CTNNA3: variants seen among roughly 807,000 people sequenced by gnomAD.
CTNNA3 encodes the protein catenin alpha 3.
In CTNNA3, 76 loss-of-function variants were observed where a neutral mutation model predicts 95.7. That is an observed-to-expected ratio of 0.79 (90% CI 0.66 to 0.96). CTNNA3 has a LOEUF of 0.96. CTNNA3 is among the 40% of genes least tolerant of loss of function. The pLI is 0.00. For missense variants in CTNNA3, 1,191 were observed against 1,089.8 expected, an observed-to-expected ratio of 1.09 and a Z score of -1.31; for synonymous variants, 431 against 374.4, an observed-to-expected ratio of 1.15 and a Z score of -1.74.
At chr10:66,519,396 A>G (rs1840977330) in intron 11 of CTNNA3, among the ~76,000 whole-genome samples, 1 of 152,206 alleles carries the variant, frequency 6.6e-6, no homozygotes, top group Non-Finnish European at 1.5e-5. Flanking sequence ...TCAAATACAT[A>G]TAATGGTTGT....
intron 10 of CTNNA3, among the ~76,000 whole-genome samples, chr10:66,533,058 A>T (rs1841526982): frequency 6.6e-6 from 1 of 152,160 alleles, no homozygotes. Flanking sequence ...CTACAAAGTG[A>T]TATTTCCAAA....
At chr10:66,522,918 C>A (rs1841118580) in intron 10 of CTNNA3, among the ~76,000 whole-genome samples, 1 of 151,992 alleles carries the variant, frequency 6.6e-6, no homozygotes, top group South Asian at 2.1e-4. Context: ...TACTGAATAT[C>A]CTAAAGACTG....
chr10:67,070,606 G>A (rs1396152449), intron 7 of CTNNA3, among the ~76,000 whole-genome samples: 1 of 151,976 alleles, frequency 6.6e-6, no homozygotes, highest in Middle Eastern at 3.2e-3. Flanking sequence ...AATTAGCTGG[G>A]CATGGTGGCG....
chr10:66,332,822 C>G (rs1194464583), intron 12 of CTNNA3, among the ~76,000 whole-genome samples: 3 of 151,950 alleles, frequency 2.0e-5, no homozygotes, highest in African/African-American at 4.8e-5. Flanking sequence ...CTCCTTGTAC[C>G]TCTGGTAGAA....
chr10:66,209,890 T>C (rs777132942), intron 13 of CTNNA3, among the ~76,000 whole-genome samples: 43 of 152,112 alleles, frequency 2.8e-4, no homozygotes, highest in Middle Eastern at 6.8e-3. Flanking sequence ...TTTAAGTCTA[T>C]CCTACAAGCA....
At chr10:66,218,831 C>A (rs2088723701) in intron 13 of CTNNA3, among the ~76,000 whole-genome samples, 1 of 152,256 alleles carries the variant, frequency 6.6e-6, no homozygotes, top group African/African-American at 2.4e-5. Context: ...CTTAAAGAGC[C>A]TTTTACACAC....
chr10:65,948,003 C>T (rs886881907), intron 17 of CTNNA3, among the ~76,000 whole-genome samples: 6 of 152,172 alleles, frequency 3.9e-5, no homozygotes, highest in Non-Finnish European at 5.9e-5. Context: ...CGCGGCCAGG[C>T]GCGGTGGCTT....
At chr10:66,632,860 G>A (rs1845194626) in intron 9 of CTNNA3, among the ~76,000 whole-genome samples, 1 of 151,650 alleles carries the variant, frequency 6.6e-6, no homozygotes, top group South Asian at 2.1e-4. Flanking sequence ...GTATCAATAA[G>A]GAAAAAAGGC....
intron 7 of CTNNA3, among the ~76,000 whole-genome samples, chr10:66,814,851 CTTTT>C (rs71035183): frequency 2.6e-5 from 3 of 114,970 alleles, no homozygotes; most frequent in Admixed American, 9.5e-5. Context: ...AGTTAGCATT[CTTTT>C]TTTTTTTTTT....
chr10:66,838,004 AAG>A (rs1842936571), intron 7 of CTNNA3, among the ~76,000 whole-genome samples: 1 of 152,064 alleles, frequency 6.6e-6, no homozygotes, highest in African/African-American at 2.4e-5. Flanking sequence ...TCTAAATCTG[AAG>A]AGTCTTCATT....
intron 3 of CTNNA3, among the ~76,000 whole-genome samples, chr10:67,553,619 G>T (rs1841112322): frequency 6.6e-6 from 1 of 151,990 alleles, no homozygotes; most frequent in Admixed American, 6.6e-5. Context: ...TATTCTCTGG[G>T]AATTAAACTG....
At chr10:66,609,301 A>G (rs2605502) in intron 10 of CTNNA3, among the ~76,000 whole-genome samples, 97,314 of 147,938 alleles carry the variant, frequency 0.66, 32,941 homozygotes, top group East Asian at 0.91. Flanking sequence ...GACCTCAAGC[A>G]ATCTGCCCTC....
At chr10:66,214,729 A>G (rs1046660816) in intron 13 of CTNNA3, among the ~76,000 whole-genome samples, 3 of 152,170 alleles carry the variant, frequency 2.0e-5, no homozygotes, top group African/African-American at 7.2e-5. Context: ...AAAGGGACAT[A>G]CTAACTTTGC....
At chr10:66,539,620 T>C (rs1405217156) in intron 10 of CTNNA3, among the ~76,000 whole-genome samples, 1 of 152,178 alleles carries the variant, frequency 6.6e-6, no homozygotes, top group African/African-American at 2.4e-5. Flanking sequence ...TTTAGATGCT[T>C]GAGGCCTTTT....
intron 7 of CTNNA3, among the ~76,000 whole-genome samples, chr10:66,900,609 G>T (rs1030668001): frequency 6.6e-6 from 1 of 151,898 alleles, no homozygotes; most frequent in Non-Finnish European, 1.5e-5. Context: ...CCCATGGGAA[G>T]GATTAGAAAA....
chr10:66,538,264 A>G (rs1841728555), intron 10 of CTNNA3, among the ~76,000 whole-genome samples: 1 of 152,070 alleles, frequency 6.6e-6, no homozygotes. Context: ...TCAAAAAAAT[A>G]TTTTTGTCAT....
chr10:66,420,162 G>C (rs948449377), intron 11 of CTNNA3, among the ~76,000 whole-genome samples: 1 of 152,084 alleles, frequency 6.6e-6, no homozygotes, highest in African/African-American at 2.4e-5. Flanking sequence ...GAGTATATAA[G>C]ATACTCAAAC....
intron 13 of CTNNA3, among the ~76,000 whole-genome samples, chr10:66,178,997 T>TTATTACAAAAAC (rs1342401142): frequency 1.3e-5 from 2 of 151,946 alleles, no homozygotes; most frequent in Admixed American, 6.6e-5. Flanking sequence ...GTTTGGCACT[T>TTATTACAAAAAC]TATTACAAAA....
chr10:67,571,931 T>C (rs909630055), intron 3 of CTNNA3, among the ~76,000 whole-genome samples: 2 of 152,350 alleles, frequency 1.3e-5, no homozygotes, highest in South Asian at 2.1e-4. Flanking sequence ...ATGTGAATCA[T>C]CTTTTTCAAC....
Sources: allele counts gnomAD v4.1 joint callset (sites outside exome capture counted in the v4.1 genomes callset), GRCh38; gene constraint gnomAD v4.1.1; transcripts MANE v1.5; gene names NCBI Gene and HGNC (gene_info 2026-07-23, HGNC 2026-07-21).